The following LEPR variants were observed in gnomAD, a reference collection of about 807,000 sequenced individuals.
LEPR encodes the protein leptin receptor.
A neutral mutation model predicts 114.7 loss-of-function variants in LEPR; 56 were observed. The observed-to-expected ratio is 0.49, with a 90% CI of 0.39 to 0.61. The LOEUF (loss-of-function observed/expected upper bound fraction) is 0.61. Among genes scored for constraint, LEPR ranks in the 20% least tolerant of loss-of-function variants. LEPR has a pLI of 0.00. For synonymous variants in LEPR, 443 were observed against 461.4 expected, an observed-to-expected ratio of 0.96 and a Z score of 0.51; for missense variants, 1,202 against 1,352.9, an observed-to-expected ratio of 0.89 and a Z score of 1.75.
chr1:65,597,085 T>G (rs2100916266), intron 7 of LEPR, among the ~76,000 whole-genome samples: 1 of 152,220 alleles, frequency 6.6e-6, no homozygotes, highest in East Asian at 1.9e-4. Flanking sequence ...ATTCCCCAAA[T>G]GATGTTTGAT....
In LEPR at chr1:65,565,477, C is replaced by G; in HGVS notation, c.-20-69C>G. The G allele has an allele frequency of 1.1e-5, 16 of 1,481,058 alleles. No homozygotes were observed. In the South Asian group the frequency reaches 1.9e-4, roughly 17 times the overall value. 91.7% of individuals were successfully genotyped at this position (1,481,058 alleles called of 1,614,324 possible). A position where few individuals can be genotyped will look rare whatever the true frequency, so the allele number is the denominator to read the frequency against. ...TATAATCCCTTTCCTTTTATGTTTT[C>G]CACAGACAACTTATATATATGTGTT... On this transcript the variant is annotated intron_variant, in intron 2 of 19. Coordinates refer to ENST00000349533, the MANE Select transcript of LEPR (RefSeq NM_002303.6).
At chr1:65,552,481 T>C (rs1303965432) in intron 2 of LEPR, among the ~76,000 whole-genome samples, 5 of 152,278 alleles carry the variant, frequency 3.3e-5, no homozygotes, top group South Asian at 4.1e-4. Context: ...TCTTTTTTGG[T>C]CTTTGTTGGT....
chr1:65,546,341 G>A (rs1323146421), intron 2 of LEPR, among the ~76,000 whole-genome samples: 1 of 152,170 alleles, frequency 6.6e-6, no homozygotes, highest in African/African-American at 2.4e-5. Flanking sequence ...CCAATTCTGT[G>A]AAGAAAGTCA....
At chr1:65,431,784 T>A in intron 2 of LEPR, 2 of 1,608,096 alleles carry the variant, frequency 1.2e-6, no homozygotes, top group Non-Finnish European at 1.7e-6. Flanking sequence ...GATTTAATCC[T>A]TCTTTTCTTG....
intron 2 of LEPR, among the ~76,000 whole-genome samples, chr1:65,446,539 A>C (rs969447051): frequency 2.0e-5 from 3 of 152,182 alleles, no homozygotes; most frequent in African/African-American, 7.2e-5. Context: ...GATGTTAAGA[A>C]TCTTTTAATG....
intron 14 of LEPR, among the ~76,000 whole-genome samples, chr1:65,613,065 T>A (rs1657277376): frequency 6.6e-6 from 1 of 152,220 alleles, no homozygotes; most frequent in Admixed American, 6.5e-5. Context: ...CATATATTAT[T>A]TAGTGTTCTT....
chr1:65,582,156 G>A (rs1305897040), intron 5 of LEPR, among the ~76,000 whole-genome samples: 2 of 152,128 alleles, frequency 1.3e-5, no homozygotes, highest in African/African-American at 4.8e-5. Context: ...GTGATCTAAT[G>A]TCATATAATA....
chr1:65,574,185 A>C (rs886070090), intron 5 of LEPR, among the ~76,000 whole-genome samples: 1 of 152,146 alleles, frequency 6.6e-6, no homozygotes, highest in African/African-American at 2.4e-5. Flanking sequence ...TAGATAGCTG[A>C]GTTGAGTCAT....
intron 19 of LEPR, chr1:65,634,065 A>G (rs1404336866): frequency 2.0e-6 from 2 of 985,288 alleles, no homozygotes; most frequent in African/African-American, 1.7e-5. Flanking sequence ...GCTTTTATGA[A>G]TAGTTCATGG....
At chr1:65,441,490 G>A (rs1371437099) in intron 2 of LEPR, among the ~76,000 whole-genome samples, 1 of 152,188 alleles carries the variant, frequency 6.6e-6, no homozygotes, top group African/African-American at 2.4e-5. Context: ...AATTCATATA[G>A]TGGAGCAGGG....
At chr1:65,478,909 G>A (rs1647187124) in intron 2 of LEPR, among the ~76,000 whole-genome samples, 1 of 152,120 alleles carries the variant, frequency 6.6e-6, no homozygotes, top group Admixed American at 6.5e-5. Context: ...AAGAAGGAGT[G>A]GAGAAGAAAA....
At position 65,641,550 on chromosome 1, in the gene LEPR, C is replaced by A. The variant is rs531777342; in HGVS notation, c.*4535C>A. The A allele has an allele frequency of 4.4e-4, 67 of 152,012 alleles. No homozygotes were observed. Among genetic ancestry groups the A allele is most frequent in the Admixed American group, 4.4e-3 (67 of 15,272 alleles). The allele number at this position is 152,012 out of a possible 1,614,324, so 9.4% of individuals were successfully genotyped here. ...AGTGTTAATTTTGAGAAATAAAAGT[C>A]CAAAAAGAATTATTATGAGTTTAAG... On this transcript the variant is annotated 3_prime_UTR_variant, in exon 20 of 20. Transcript: ENST00000349533.
At chr1:65,537,745 A>G (rs1451835098) in intron 2 of LEPR, among the ~76,000 whole-genome samples, 1 of 152,118 alleles carries the variant, frequency 6.6e-6, no homozygotes, top group Non-Finnish European at 1.5e-5. Flanking sequence ...GAGAGTATTG[A>G]TAATATTTTA....
Position 65,420,755 on chromosome 1 carries a change from C to T in LEPR, c.-97+15C>T. The T allele has an allele frequency of 6.3e-7, 1 of 1,578,374 alleles. No homozygotes were observed. The highest frequency in any genetic ancestry group is 1.2e-5 in the South Asian group (1 of 86,110). On this transcript the variant is annotated intron_variant, in intron 1 of 19. Coordinates refer to ENST00000349533, the MANE Select transcript of LEPR (RefSeq NM_002303.6). The stretch of plus-strand genomic sequence containing the variant: ...GGGCGTTAAAGGTACATCGCGGTCC[C>T]CGGCTCGCTTGTCGTGTGGTGGGGT...
In LEPR at chr1:65,519,954, C is replaced by T. The variant is rs187255560; in HGVS notation, c.-20-45592C>T. ...TCTCAGCTCACTGCAACCTCCACCT[C>T]CTGGGTTCATGCCATTCTCCTGCCT... On this transcript the variant is annotated intron_variant, in intron 2 of 19. Transcript: ENST00000349533. 2.6e-5 allele frequency among the ~76,000 whole-genome samples: 4 copies of T among 152,176 alleles called. No individual in the cohort carries two copies. The East Asian group carries it at 5.8e-4, about 22-fold the overall frequency.
At chr1:65,527,417 G>A (rs1650047774) in intron 2 of LEPR, among the ~76,000 whole-genome samples, 1 of 152,236 alleles carries the variant, frequency 6.6e-6, no homozygotes, top group Admixed American at 6.5e-5. Context: ...AGTATGTACT[G>A]TGAAGGGTTA....
chr1:65,454,902 C>CAAGTTG (rs1646845995), intron 2 of LEPR, among the ~76,000 whole-genome samples: 2 of 152,144 alleles, frequency 1.3e-5, no homozygotes, highest in South Asian at 2.1e-4. Flanking sequence ...CCATTCTCCC[C>CAAGTTG]GTCACTTTCA....
chr1:65,594,225 G>T (rs1216126442), intron 6 of LEPR, among the ~76,000 whole-genome samples: 1 of 151,978 alleles, frequency 6.6e-6, no homozygotes, highest in African/African-American at 2.4e-5. Context: ...CAGAGCAAAA[G>T]GTGCTCCAAG....
At chr1:65,538,402 A>G (rs1262646114) in intron 2 of LEPR, among the ~76,000 whole-genome samples, 7 of 152,086 alleles carry the variant, frequency 4.6e-5, no homozygotes, top group Non-Finnish European at 8.8e-5. Flanking sequence ...AAGTTTGCAG[A>G]GCCAGCAAAC....
Sources: allele counts gnomAD v4.1 joint callset (sites outside exome capture counted in the v4.1 genomes callset), GRCh38; gene constraint gnomAD v4.1.1; transcripts MANE v1.5; gene names NCBI Gene and HGNC (gene_info 2026-07-23, HGNC 2026-07-21).